The following LAMB4 variants were observed in gnomAD, a reference collection of about 807,000 sequenced individuals.
LAMB4 encodes the protein laminin subunit beta-4.
Under a neutral mutation model 199.2 loss-of-function variants are expected in LAMB4, and 196 were observed. The observed-to-expected ratio is 0.98, with a 90% CI of 0.88 to 1.11. The LOEUF is 1.11. LAMB4 is among the 50% of genes least tolerant of loss of function. The pLI, the probability that LAMB4 is intolerant of heterozygous loss-of-function variation, is 0.00. For missense variants in LAMB4, 2,080 were observed against 2,171.2 expected, an observed-to-expected ratio of 0.96 and a Z score of 0.83; for synonymous variants, 744 against 770.6, an observed-to-expected ratio of 0.97 and a Z score of 0.57.
At chr7:108,043,937 A>G in intron 28 of LAMB4, 41 bp from the exon 29 acceptor site, 1 of 1,550,250 alleles carries the variant, frequency 6.5e-7, no homozygotes, top group East Asian at 2.3e-5. Context: ...TCGACAATAT[A>G]CTCAACAAAG....
At chr7:108,085,666 T>A (rs1584717425) in intron 14 of LAMB4, among the ~76,000 whole-genome samples, 1 of 152,082 alleles carries the variant, frequency 6.6e-6, no homozygotes, top group Non-Finnish European at 1.5e-5. Flanking sequence ...CAGGCTGGAG[T>A]GCAGTGGCAC....
intron 13 of LAMB4, 81 bp downstream of exon 13, chr7:108,092,256 C>A: frequency 9.6e-7 from 1 of 1,044,060 alleles, no homozygotes; most frequent in Non-Finnish European, 1.5e-6. Context: ...AAATTTTTCA[C>A]CTATGACTAT....
At position 108,079,751 on chromosome 7, in the gene LAMB4, G is replaced by A. The variant is rs750300052; in HGVS notation, c.1737C>T (p.His579=). Residue 579 remains histidine, a synonymous_variant, in exon 15 of 34, where the codon CAC becomes CAT. Transcript: ENST00000388781. ...CAGGAACTGGCTCTCCTAAAACAAC[G>A]TGAACAGCAGGACTCTGGCCAAACG... ...SETFGQSPAV[H]VVLGEPVPGN... The A allele has an allele frequency of 8.7e-6, 14 of 1,607,282 alleles. No homozygotes were observed. Among genetic ancestry groups the A allele is most frequent in the Admixed American group, 3.4e-5 (2 of 58,614 alleles).
At chr7:108,093,256 G>A (rs969039098) in intron 12 of LAMB4, among the ~76,000 whole-genome samples, 2 of 151,942 alleles carry the variant, frequency 1.3e-5, no homozygotes, top group South Asian at 4.2e-4. Context: ...TAGTAGAGAC[G>A]GGGTTTTACC....
intron 1 of LAMB4, among the ~76,000 whole-genome samples, 165 bp downstream of exon 1, chr7:108,130,137 CTTTA>C (rs1023151462): frequency 3.3e-5 from 5 of 152,296 alleles, no homozygotes; most frequent in South Asian, 2.1e-4. Context: ...TTGCAAGAAC[CTTTA>C]TTTAAGTGTC....
downstream of LAMB4, among the ~76,000 whole-genome samples, chr7:108,020,629 T>A (rs995700022): frequency 6.6e-6 from 1 of 152,194 alleles, no homozygotes; most frequent in Non-Finnish European, 1.5e-5. Context: ...GAGGCAGAGC[T>A]GTGCCTTCTA....
At chr7:108,027,936 C>A (rs2034894041) in intron 33 of LAMB4, among the ~76,000 whole-genome samples, 1 of 152,140 alleles carries the variant, frequency 6.6e-6, no homozygotes, top group Non-Finnish European at 1.5e-5. Flanking sequence ...GCATGTGCCA[C>A]CACGCCTGGC....
intron 17 of LAMB4, among the ~76,000 whole-genome samples, chr7:108,073,810 C>T (rs10257966): frequency 0.017 from 2,595 of 152,248 alleles, 72 homozygotes; most frequent in African/African-American, 0.058. Context: ...TGTAGTTGCC[C>T]GCCCTAGGTT....
chr7:108,028,961 G>C (rs894627533), intron 33 of LAMB4, 82 bp downstream of exon 33: 2 of 1,318,750 alleles, frequency 1.5e-6, no homozygotes, highest in African/African-American at 3.0e-5. Context: ...ACTGTAAGCT[G>C]ACATTGGTAT....
chr7:108,105,787 G>T (rs1222533866), intron 8 of LAMB4, 30 bp downstream of exon 8: 1 of 1,589,084 alleles, frequency 6.3e-7, no homozygotes, highest in East Asian at 2.2e-5. Flanking sequence ...AGGTAGGACA[G>T]CCCACTGTTC....
At chr7:108,044,034 C>G (rs1163336464) in intron 28 of LAMB4, 138 bp from the exon 29 acceptor site, 6 of 620,656 alleles carry the variant, frequency 9.7e-6, no homozygotes, top group African/African-American at 3.9e-5. Context: ...ACCATAGATT[C>G]ATTTGCAAGG....
intron 4 of LAMB4, among the ~76,000 whole-genome samples, chr7:108,111,295 G>C (rs1392771086): frequency 6.6e-6 from 1 of 152,216 alleles, no homozygotes; most frequent in Non-Finnish European, 1.5e-5. Flanking sequence ...TGTTCATAAA[G>C]AGAGAAAGGC....
downstream of LAMB4, among the ~76,000 whole-genome samples, chr7:108,021,531 G>T (rs2034692710): frequency 6.6e-6 from 1 of 152,096 alleles, no homozygotes; most frequent in African/African-American, 2.4e-5. Context: ...CCAACATGGA[G>T]AAACTCTGTC....
intron 2 of LAMB4, among the ~76,000 whole-genome samples, chr7:108,117,534 A>T (rs2038449231): frequency 6.6e-6 from 1 of 152,124 alleles, no homozygotes; most frequent in South Asian, 2.1e-4. Context: ...TGTCTACTGT[A>T]TTTTGTGGGT....
At chr7:108,125,457 TTCTC>T (rs2038745511) in intron 1 of LAMB4, among the ~76,000 whole-genome samples, 1 of 152,214 alleles carries the variant, frequency 6.6e-6, no homozygotes, top group South Asian at 2.1e-4. Context: ...GAAAGTATGA[TTCTC>T]TATAACCAAA....
intron 2 of LAMB4, 128 bp downstream of exon 2, chr7:108,123,003 C>A: frequency 1.4e-6 from 1 of 736,014 alleles, no homozygotes; most frequent in Non-Finnish European, 2.1e-6. Context: ...AATTACACAA[C>A]AACAACAGAA....
At chr7:108,012,691 T>C in the LAMB4 span, among the ~76,000 whole-genome samples, 1 of 152,234 alleles carries the variant, frequency 6.6e-6, no homozygotes, top group Non-Finnish European at 1.5e-5. Context: ...GTGAAACAAG[T>C]ACAAAGTTCA....
In LAMB4 at chr7:108,095,276, T is replaced by G. The variant is rs373560115; in HGVS notation, c.1422A>C (p.Gln474His). The G allele has an allele frequency of 7.4e-6, 12 of 1,614,012 alleles. No individual in the cohort carries two copies. In the South Asian group the frequency reaches 1.3e-4, roughly 18 times the overall value. ...CGGTGACATATGACAGGCACAAGCA[T>G]TGGCCTGTATCCACATCACAGGTCA... ...PFLTCDVDTG[Q>H]CLCLSYVTGA... Residue 474 changes from glutamine to histidine, a missense_variant, in exon 12 of 34, where the codon CAA becomes CAC. Gln to His is a conservative substitution (Grantham distance 24, BLOSUM62 0). Coordinates refer to ENST00000388781, the MANE Select transcript of LAMB4 (RefSeq NM_007356.3).
At position 108,098,478 on chromosome 7, in the gene LAMB4, C is replaced by T. The variant is rs771256138; in HGVS notation, c.1285G>A (p.Val429Met). Reference protein sequence around the residue: ...VAGQCLCKENVEGAKCDQCKP... With the variant: ...VAGQCLCKENMEGAKCDQCKP... ...CACTGGTCGCATTTGGCTCCTTCCA[C>T]GTTCTCTTTACAAAGGCACTGGCCG... The change falls in exon 11 of 34, where the codon GTG (valine) becomes ATG (methionine). Residue 429 changes from valine (V) to methionine (M), a missense_variant. Val to Met is a conservative substitution (Grantham distance 21). Transcript: ENST00000388781. The T allele has an allele frequency of 2.1e-5, 33 of 1,594,860 alleles. No homozygotes were observed. The highest frequency in any genetic ancestry group is 2.8e-5 in the African/African-American group (2 of 70,804).
Sources: allele counts gnomAD v4.1 joint callset (sites outside exome capture counted in the v4.1 genomes callset), GRCh38; gene constraint gnomAD v4.1.1; transcripts MANE v1.5; gene names NCBI Gene and HGNC (gene_info 2026-07-23, HGNC 2026-07-21).